The following CAMK1D variants were observed in gnomAD, a reference collection of about 807,000 sequenced individuals.
The protein encoded by CAMK1D is calcium/calmodulin-dependent protein kinase type 1D.
CAMK1D carries 9 observed loss-of-function variants against 47.7 expected under a neutral mutation model. That is an observed-to-expected ratio of 0.19 (90% CI 0.11 to 0.33). The LOEUF (loss-of-function observed/expected upper bound fraction) is 0.33. CAMK1D is among the 10% of genes least tolerant of loss of function. The pLI is 1.00. For missense variants in CAMK1D, 291 were observed against 488.7 expected, an observed-to-expected ratio of 0.60 and a Z score of 3.81; for synonymous variants, 184 against 184.9, an observed-to-expected ratio of 0.99 and a Z score of 0.04.
At chr10:12,757,460 A>G (rs997832443) in intron 3 of CAMK1D, among the ~76,000 whole-genome samples, 1 of 152,160 alleles carries the variant, frequency 6.6e-6, no homozygotes, top group Non-Finnish European at 1.5e-5. Context: ...TGACTCAAAA[A>G]AAACCTCTCA....
At chr10:12,740,098 C>T (rs763338369) in intron 3 of CAMK1D, among the ~76,000 whole-genome samples, 17 of 152,306 alleles carry the variant, frequency 1.1e-4, no homozygotes, top group Non-Finnish European at 1.6e-4. Context: ...CTCCACCTTC[C>T]TTCTGTGAAT....
At chr10:12,817,012 C>T (rs1832826588) in intron 8 of CAMK1D, among the ~76,000 whole-genome samples, 1 of 112,028 alleles carries the variant, frequency 8.9e-6, no homozygotes, top group Non-Finnish European at 2.0e-5. Flanking sequence ...CAAGTCATAT[C>T]TTACATGGAT....
intron 1 of CAMK1D, among the ~76,000 whole-genome samples, chr10:12,518,119 A>G (rs1045352106): frequency 1.3e-5 from 2 of 152,164 alleles, no homozygotes; most frequent in African/African-American, 4.8e-5. Flanking sequence ...GGTAGTTTTT[A>G]TCTACTAAAG....
At chr10:12,433,845 A>C (rs987449178) in intron 1 of CAMK1D, among the ~76,000 whole-genome samples, 12 of 152,218 alleles carry the variant, frequency 7.9e-5, no homozygotes, top group Admixed American at 7.9e-4. Flanking sequence ...GGTTATGTTA[A>C]GAGTCCTAAC....
At chr10:12,701,917 C>T (rs1833535115) in intron 3 of CAMK1D, among the ~76,000 whole-genome samples, 1 of 152,168 alleles carries the variant, frequency 6.6e-6, no homozygotes, top group Admixed American at 6.5e-5. Flanking sequence ...ATATTCCACA[C>T]ATAGATATAG....
intron 2 of CAMK1D, among the ~76,000 whole-genome samples, chr10:12,591,762 C>T (rs555671101): frequency 2.0e-5 from 3 of 152,316 alleles, no homozygotes; most frequent in African/African-American, 4.8e-5. Flanking sequence ...GGCGCGATCT[C>T]GGCTCACTGC....
intron 4 of CAMK1D, among the ~76,000 whole-genome samples, chr10:12,761,518 G>A (rs1187848539): frequency 6.6e-6 from 1 of 152,112 alleles, no homozygotes; most frequent in African/African-American, 2.4e-5. Context: ...CATCATGAGA[G>A]GAAAGTGAAG....
chr10:12,766,665 C>G (rs1384569610), intron 4 of CAMK1D, among the ~76,000 whole-genome samples: 3 of 152,142 alleles, frequency 2.0e-5, no homozygotes, highest in Admixed American at 1.3e-4. Context: ...CCCTCACTAT[C>G]TGCAAAATAA....
chr10:12,434,517 C>T (rs1052824499), intron 1 of CAMK1D, among the ~76,000 whole-genome samples: 2 of 152,086 alleles, frequency 1.3e-5, no homozygotes, highest in Non-Finnish European at 2.9e-5. Context: ...AGAGCCCAGC[C>T]GTTGTTTGTG....
chr10:12,658,355 T>C (rs946216354), intron 2 of CAMK1D, among the ~76,000 whole-genome samples: 7 of 150,244 alleles, frequency 4.7e-5, no homozygotes, highest in African/African-American at 1.7e-4. Flanking sequence ...CCTGCCGGGG[T>C]TCAGTAAAAT....
intron 4 of CAMK1D, among the ~76,000 whole-genome samples, chr10:12,762,395 G>T (rs1358315833): frequency 2.6e-5 from 4 of 152,130 alleles, no homozygotes; most frequent in Admixed American, 6.6e-5. Flanking sequence ...CCTGCTACTG[G>T]GTATTAAGGA....
chr10:12,452,002 C>T (rs893976283), intron 1 of CAMK1D, among the ~76,000 whole-genome samples: 3 of 152,072 alleles, frequency 2.0e-5, no homozygotes, highest in South Asian at 2.1e-4. Flanking sequence ...CCAATAGCCC[C>T]TTAATTGAGG....
At chr10:12,588,881 T>C (rs929109757) in intron 2 of CAMK1D, among the ~76,000 whole-genome samples, 4 of 139,474 alleles carry the variant, frequency 2.9e-5, no homozygotes, top group Non-Finnish European at 5.9e-5. Context: ...TGTGTGTGTG[T>C]GTGCGTGCGT....
chr10:12,713,718 C>T (rs1415925792), intron 3 of CAMK1D, among the ~76,000 whole-genome samples: 1 of 152,140 alleles, frequency 6.6e-6, no homozygotes, highest in Non-Finnish European at 1.5e-5. Flanking sequence ...GAAGCAGGGC[C>T]CCCAACAAGT....
chr10:12,739,825 C>T (rs1183969805), intron 3 of CAMK1D, among the ~76,000 whole-genome samples: 5 of 152,160 alleles, frequency 3.3e-5, no homozygotes, highest in Admixed American at 6.5e-5. Flanking sequence ...GCTCAGCTAC[C>T]GACCCATCGA....
At chr10:12,485,218 G>A (rs920842007) in intron 1 of CAMK1D, among the ~76,000 whole-genome samples, 6 of 152,154 alleles carry the variant, frequency 3.9e-5, no homozygotes, top group Non-Finnish European at 5.9e-5. Context: ...TTATTACAGC[G>A]AGTGAGTGAG....
At position 12,571,990 on chromosome 10, in the gene CAMK1D, A is replaced by G. The variant is rs371199762; in HGVS notation, c.224+18634A>G. On this transcript the variant is annotated intron_variant, in intron 2 of 10. Coordinates refer to ENST00000619168, the MANE Select transcript of CAMK1D (RefSeq NM_153498.4). ...ATCCTAACAAAAAGCTTTTGAGAGT[A>G]GTAAATATGTATTCATTTCAAAGAT... Among the ~76,000 whole-genome samples the G allele has an allele frequency of 2.6e-5, 4 of 152,158 alleles. No homozygotes were observed. The East Asian group carries it at 5.8e-4, about 22-fold the overall frequency.
chr10:12,645,216 A>G (rs1213682820), intron 2 of CAMK1D, among the ~76,000 whole-genome samples: 2 of 152,036 alleles, frequency 1.3e-5, no homozygotes, highest in Non-Finnish European at 2.9e-5. Context: ...ATCCCCTACT[A>G]TTTTTGGTCA....
intron 1 of CAMK1D, among the ~76,000 whole-genome samples, chr10:12,463,635 G>A (rs958800195): frequency 2.0e-5 from 3 of 151,172 alleles, no homozygotes; most frequent in African/African-American, 7.3e-5. Context: ...CCACTCTTTT[G>A]TTTTCACTAC....
Sources: allele counts gnomAD v4.1 joint callset (sites outside exome capture counted in the v4.1 genomes callset), GRCh38; gene constraint gnomAD v4.1.1; transcripts MANE v1.5; gene names NCBI Gene and HGNC (gene_info 2026-07-23, HGNC 2026-07-21).